Variants in IL1RAP observed in about 807,000 individuals in gnomAD.
The protein encoded by IL1RAP is interleukin-1 receptor accessory protein.
IL1RAP carries 35 observed loss-of-function variants against 60.7 expected under a neutral mutation model. That is an observed-to-expected ratio of 0.58 (90% confidence interval 0.44 to 0.76). The LOEUF (loss-of-function observed/expected upper bound fraction) is 0.76. Among genes scored for constraint, IL1RAP ranks in the 30% least tolerant of loss-of-function variants. The pLI is 0.00. For synonymous variants in IL1RAP, 268 were observed against 250.9 expected (o/e 1.07, Z -0.64); for missense variants, 572 against 693.9 (o/e 0.82, Z 1.97).
At chr3:190,620,097 G>C (rs1439280168) in intron 5 of IL1RAP, among the ~76,000 whole-genome samples, 178 bp from the exon 6 acceptor site, 3 of 152,110 alleles carry the variant, frequency 2.0e-5, no homozygotes, top group Non-Finnish European at 2.9e-5. Context: ...ATAATGACAG[G>C]TGTTTCATTT....
At chr3:190,604,533 G>C (rs1730133890) in intron 4 of IL1RAP, 120 bp downstream of exon 4, 3 of 1,054,526 alleles carry the variant, frequency 2.8e-6, no homozygotes, top group Admixed American at 2.7e-5. Flanking sequence ...AGTTTAGTGA[G>C]GTAATTGTCT....
chr3:190,655,002 C>T (rs1734566070), downstream of IL1RAP, among the ~76,000 whole-genome samples: 1 of 151,942 alleles, frequency 6.6e-6, no homozygotes, highest in Non-Finnish European at 1.5e-5. Context: ...TTGTTTTTGC[C>T]CCTTTAATTC....
intron 1 of IL1RAP, among the ~76,000 whole-genome samples, chr3:190,522,080 A>C (rs1722069002): frequency 6.6e-6 from 1 of 152,142 alleles, no homozygotes; most frequent in African/African-American, 2.4e-5. Flanking sequence ...CACACTAAGT[A>C]GCACTTTTCT....
At chr3:190,635,346 ATATT>A (rs1311809612) in intron 9 of IL1RAP, among the ~76,000 whole-genome samples, 7 of 151,914 alleles carry the variant, frequency 4.6e-5, no homozygotes, top group Non-Finnish European at 1.5e-5. Context: ...TGTTGTTTAT[ATATT>A]TATTTACTTT....
chr3:190,558,910 C>G (rs892430036), intron 2 of IL1RAP, among the ~76,000 whole-genome samples: 8 of 152,072 alleles, frequency 5.3e-5, no homozygotes, highest in African/African-American at 1.9e-4. Flanking sequence ...TAAAAAGCAC[C>G]CATTTATTGT....
intron 9 of IL1RAP, among the ~76,000 whole-genome samples, chr3:190,637,447 T>C (rs776655634): frequency 3.3e-5 from 5 of 151,744 alleles, no homozygotes; most frequent in Non-Finnish European, 7.4e-5. Context: ...ATCCTACCAT[T>C]AACATTGGTT....
intron 3 of IL1RAP, among the ~76,000 whole-genome samples, chr3:190,582,883 C>T (rs1376701469): frequency 1.3e-5 from 2 of 152,190 alleles, no homozygotes; most frequent in Non-Finnish European, 2.9e-5. Context: ...TTCCTTGCCC[C>T]TGGCAGTGAA....
chr3:190,571,789 A>G (rs1004546143), intron 3 of IL1RAP, among the ~76,000 whole-genome samples: 1 of 152,220 alleles, frequency 6.6e-6, no homozygotes, highest in Non-Finnish European at 1.5e-5. Flanking sequence ...ACGGCCTTGA[A>G]TATGGCCCAA....
Position 190,564,306 on chromosome 3 carries a change from G to A in IL1RAP, c.17G>A (p.Cys6Tyr), listed in dbSNP as rs566025932. The change falls in exon 3 of 12, where the codon TGT becomes TAT. Residue 6 changes from cysteine to tyrosine, a missense_variant. By Grantham distance (194) the Cys-to-Tyr change is radical. Coordinates refer to ENST00000447382, the MANE Select transcript of IL1RAP (RefSeq NM_002182.4). MTLLWCVVSLYFYGIL... is the reference protein window; with the variant it reads MTLLWYVVSLYFYGIL... The stretch of plus-strand genomic sequence containing the variant: ...GGTTACAGGATGACACTTCTGTGGT[G>A]TGTAGTGAGTCTCTACTTTTATGGA... 13 of 1,610,658 alleles carry A rather than the reference G, an allele frequency of 8.1e-6. No homozygotes were observed. In the African/African-American group the frequency reaches 1.5e-4, roughly 18 times the overall value.
At position 190,526,231 on chromosome 3, in the gene IL1RAP, T is replaced by A. The variant is rs138965731; in HGVS notation, c.-89+12012T>A. Among the ~76,000 whole-genome samples, 242 of 152,350 alleles carry A rather than the reference T, an allele frequency of 1.6e-3. 1 individual carries two copies. Among genetic ancestry groups the A allele is most frequent in the African/African-American group, 5.3e-3 (221 of 41,586 alleles). On this transcript the variant is annotated intron_variant, in intron 1 of 11. Coordinates refer to ENST00000447382, the MANE Select transcript of IL1RAP (RefSeq NM_002182.4). ...TTTGAAGTCTCGGAATAACCGTATG[T>A]GGCAGGTGAAGTTATAATCACCATT...
chr3:190,557,819 T>G (rs1041989427), intron 2 of IL1RAP, among the ~76,000 whole-genome samples: 2 of 152,196 alleles, frequency 1.3e-5, no homozygotes, highest in Non-Finnish European at 2.9e-5. Context: ...AACATTAACT[T>G]TTTTGGGAGT....
chr3:190,539,202 A>C (rs1723724647), intron 1 of IL1RAP, among the ~76,000 whole-genome samples: 1 of 152,160 alleles, frequency 6.6e-6, no homozygotes, highest in Admixed American at 6.6e-5. Flanking sequence ...ACTTTGTATT[A>C]ATATTTTATG....
At chr3:190,645,629 G>T in intron 10 of IL1RAP, 70 bp from the exon 11 acceptor site, 1 of 1,292,304 alleles carries the variant, frequency 7.7e-7, no homozygotes, top group East Asian at 2.3e-5. Context: ...GCAGAAGTTA[G>T]ATTTAAGAAA....
At position 190,557,324 on chromosome 3, in the gene IL1RAP, C is replaced by A. The variant is rs145134883; in HGVS notation, c.-2+1108C>A. ...TCATGATGGTATTTCTTACCTCACC[C>A]CACAGAGCATGTTGCTATTCAAAAT... On this transcript the variant is annotated intron_variant, in intron 2 of 11. Coordinates refer to ENST00000447382, the MANE Select transcript of IL1RAP (RefSeq NM_002182.4). Among the ~76,000 whole-genome samples, 1,411 of 152,250 alleles carry A rather than the reference C, an allele frequency of 9.3e-3. 28 individuals carry two copies. Among genetic ancestry groups the A allele is most frequent in the African/African-American group, 0.032 (1,337 of 41,548 alleles).
chr3:190,579,996 T>G (rs944475447), intron 3 of IL1RAP, among the ~76,000 whole-genome samples: 2 of 152,198 alleles, frequency 1.3e-5, no homozygotes, highest in Admixed American at 6.5e-5. Context: ...CTGTGTGTGA[T>G]TTCCAAATTT....
At chr3:190,600,651 G>A (rs920340646) in intron 3 of IL1RAP, among the ~76,000 whole-genome samples, 1 of 152,172 alleles carries the variant, frequency 6.6e-6, no homozygotes, top group African/African-American at 2.4e-5. Context: ...ACATCCACAA[G>A]TAGGACTGAC....
chr3:190,623,896 A>G (rs1731998918), intron 7 of IL1RAP, among the ~76,000 whole-genome samples: 1 of 152,222 alleles, frequency 6.6e-6, no homozygotes, highest in African/African-American at 2.4e-5. Context: ...TTCTTCTTTT[A>G]GTTTCCATAA....
chr3:190,552,691 C>G lies in IL1RAP; in HGVS notation c.-88-3439C>G, dbSNP rs78738294. Among the ~76,000 whole-genome samples, 1,084 of 152,166 alleles carry G rather than the reference C, an allele frequency of 7.1e-3. 22 individuals carry two copies. Among genetic ancestry groups the G allele is most frequent in the African/African-American group, 0.025 (1,049 of 41,490 alleles). On this transcript the variant is annotated intron_variant, in intron 1 of 11. Transcript: ENST00000447382. Reference sequence around the variant, plus strand: ...GGCAATCTCATATTTGGATTATTAGCCTCTGAGTGCTTTAATTTTGGGGGT... The same window carrying G: ...GGCAATCTCATATTTGGATTATTAGGCTCTGAGTGCTTTAATTTTGGGGGT...
At chr3:190,580,918 A>T (rs774278232) in intron 3 of IL1RAP, among the ~76,000 whole-genome samples, 10 of 152,182 alleles carry the variant, frequency 6.6e-5, no homozygotes, top group African/African-American at 2.2e-4. Context: ...GCCCGTGTAT[A>T]TATCTCCAAA....
Sources: allele counts gnomAD v4.1 joint callset (sites outside exome capture counted in the v4.1 genomes callset), GRCh38; gene constraint gnomAD v4.1.1; transcripts MANE v1.5; gene names NCBI Gene and HGNC (gene_info 2026-07-23, HGNC 2026-07-21).